The following WWP2 variants were observed in gnomAD, a reference collection of about 807,000 sequenced individuals.
WWP2 encodes NEDD4-like E3 ubiquitin-protein ligase WWP2.
A neutral mutation model predicts 121.0 loss-of-function variants in WWP2; 57 were observed. The observed-to-expected ratio is 0.47, with a 90% CI of 0.38 to 0.59. The LOEUF (loss-of-function observed/expected upper bound fraction) is 0.59. Among genes scored for constraint, WWP2 ranks in the 20% least tolerant of loss-of-function variants. The pLI, the probability that WWP2 is intolerant of heterozygous loss-of-function variation, is 0.00. For missense variants in WWP2, 962 were observed against 1,158.9 expected, an observed-to-expected ratio of 0.83 and a Z score of 2.47; for synonymous variants, 449 against 441.3, an observed-to-expected ratio of 1.02 and a Z score of -0.22.
intron 10 of WWP2, among the ~76,000 whole-genome samples, chr16:69,921,695 T>C (rs564468888): frequency 6.6e-6 from 1 of 152,344 alleles, no homozygotes; most frequent in African/African-American, 2.4e-5. Flanking sequence ...TGAAGATGCC[T>C]GGCACAGCCT....
chr16:69,780,685 C>A (rs1417890918), intron 1 of WWP2, among the ~76,000 whole-genome samples: 5 of 152,136 alleles, frequency 3.3e-5, no homozygotes, highest in Admixed American at 1.3e-4. Flanking sequence ...TTTGCCAAGA[C>A]AAATTTAGTC....
intron 2 of WWP2, among the ~76,000 whole-genome samples, chr16:69,797,240 A>G (rs1311679924): frequency 1.3e-5 from 2 of 152,350 alleles, no homozygotes; most frequent in South Asian, 2.1e-4. Context: ...CATGAAGGCT[A>G]TGAGCGGAAG....
In WWP2 at chr16:69,796,012, TTTTC is replaced by T. The variant is rs1159895592; in HGVS notation, c.71-2662_71-2659del. On this transcript the variant is annotated intron_variant, in intron 2 of 23. Coordinates refer to ENST00000359154, the MANE Select transcript of WWP2 (RefSeq NM_001270454.2). ...GGGGCCTGGACCAGAACAAATTTTTTTTTCTTTCTTTTTTTTTTTGCGATGATGG... is the reference window on the plus strand; with the variant it reads ...GGGGCCTGGACCAGAACAAATTTTTTTTTCTTTTTTTTTTTGCGATGATGG... 4.0e-5 allele frequency among the ~76,000 whole-genome samples: 6 copies of T among 151,696 alleles called. No individual in the cohort carries two copies. The East Asian group carries it at 7.7e-4, about 19-fold the overall frequency.
At chr16:69,858,485 TA>T in intron 6 of WWP2, among the ~76,000 whole-genome samples, 1 of 152,294 alleles carries the variant, frequency 6.6e-6, no homozygotes, top group East Asian at 1.9e-4. Flanking sequence ...TGAGATGCGA[TA>T]ATTTGAGGAC....
intron 7 of WWP2, among the ~76,000 whole-genome samples, chr16:69,875,004 A>G (rs1370135398): frequency 7.0e-6 from 1 of 142,556 alleles, no homozygotes; most frequent in Non-Finnish European, 1.5e-5. Context: ...CCTGGGCAAC[A>G]GAGTGAGACC....
intron 8 of WWP2, among the ~76,000 whole-genome samples, chr16:69,900,103 C>G (rs1480079676): frequency 6.6e-6 from 1 of 152,136 alleles, no homozygotes; most frequent in Non-Finnish European, 1.5e-5. Flanking sequence ...AACAGATGCA[C>G]TTATAGCTAA....
At position 69,903,074 on chromosome 16, in the gene WWP2, A is replaced by G. The variant is rs558505961; in HGVS notation, c.915-5687A>G. On this transcript the variant is annotated intron_variant, in intron 8 of 23. Transcript: ENST00000359154. ...GAAAGGTCTTGTTCCTCTGGCAACT[A>G]TTCTTCTCGCTAAGCCAGTTGAGGG... Among the ~76,000 whole-genome samples the G allele has an allele frequency of 2.0e-4, 30 of 152,354 alleles. No homozygotes were observed. In the South Asian group the frequency reaches 4.3e-3, roughly 22 times the overall value.
At chr16:69,914,142 C>T (rs2151968999) in intron 9 of WWP2, among the ~76,000 whole-genome samples, 1 of 144,366 alleles carries the variant, frequency 6.9e-6, no homozygotes. Context: ...GAAGATGTGA[C>T]CAAGACATTC....
rs1463091915 is a variant in WWP2, at chr16:69,930,073, C to T, written c.1317-57C>T. ...CACACTTTGAGGACCCAGCCTCCAA[C>T]CACCAAGGTCCAGAAGGTGGGGCCA... On this transcript the variant is annotated intron_variant, in intron 12 of 23. Transcript: ENST00000359154. 11 of 1,608,654 alleles carry T rather than the reference C, an allele frequency of 6.8e-6. No individual in the cohort carries two copies. The East Asian group carries it at 2.0e-4, about 29-fold the overall frequency.
chr16:69,930,378 C>T, intron 13 of WWP2, 120 bp downstream of exon 13: 1 of 1,446,776 alleles, frequency 6.9e-7, no homozygotes, highest in Non-Finnish European at 9.3e-7. Flanking sequence ...CCTTACTGCC[C>T]TCTAGTGGCC....
chr16:69,834,404 G>A (rs900186693), intron 4 of WWP2, among the ~76,000 whole-genome samples: 1 of 151,902 alleles, frequency 6.6e-6, no homozygotes, highest in African/African-American at 2.4e-5. Context: ...TCCCAGGGAG[G>A]TTTTTCTTCT....
chr16:69,785,994 ACTTTT>A (rs2055780383), intron 1 of WWP2: 1 of 132,754 alleles, frequency 7.5e-6, no homozygotes, highest in Non-Finnish European at 1.6e-5. Flanking sequence ...CTTGCATTAT[ACTTTT>A]AGCAAGGATT....
At chr16:69,919,677 A>G (rs1447037307) in intron 10 of WWP2, among the ~76,000 whole-genome samples, 1 of 151,762 alleles carries the variant, frequency 6.6e-6, no homozygotes, top group Non-Finnish European at 1.5e-5. Flanking sequence ...AAGTTGGCTG[A>G]TTATATTTTC....
chr16:69,887,680 A>G (rs1432219588), intron 7 of WWP2, among the ~76,000 whole-genome samples: 4 of 152,172 alleles, frequency 2.6e-5, no homozygotes, highest in African/African-American at 9.7e-5. Flanking sequence ...TGCTGGGATT[A>G]CAGTTGTGAG....
intron 4 of WWP2, among the ~76,000 whole-genome samples, chr16:69,808,393 CTTTTAT>C (rs2056323739): frequency 6.6e-6 from 1 of 151,388 alleles, no homozygotes; most frequent in Non-Finnish European, 1.5e-5. Context: ...CCTGGCCTGT[CTTTTAT>C]TTTTATTTTT....
chr16:69,862,531 A>G (rs996214946), intron 6 of WWP2, among the ~76,000 whole-genome samples: 3 of 151,798 alleles, frequency 2.0e-5, no homozygotes, highest in Non-Finnish European at 4.4e-5. Flanking sequence ...GATTACAGGC[A>G]TGAGCCACCA....
chr16:69,839,934 T>A (rs1463466267), intron 4 of WWP2, among the ~76,000 whole-genome samples, 192 bp from the exon 5 acceptor site: 1 of 152,244 alleles, frequency 6.6e-6, no homozygotes, highest in African/African-American at 2.4e-5. Context: ...CCCTCCAGCC[T>A]GATACAACAG....
rs2152003747 is a variant in WWP2, at chr16:69,940,050, G to A, written c.*110G>A. 1.2e-6 allele frequency: 1 copy of A among 838,158 alleles called. No homozygotes were observed. The highest frequency in any genetic ancestry group is 1.9e-6 in the Non-Finnish European group (1 of 539,442). 51.9% of individuals were successfully genotyped at this position (838,158 alleles called of 1,614,324 possible). A position where few individuals can be genotyped will look rare whatever the true frequency, so the allele number is the denominator to read the frequency against. Reference sequence around the variant, plus strand: ...GGGAGGCCCCCGTGGATGTGGCCCTGTGTGGGACCACACTGTCATCTCGCT... The same window carrying A: ...GGGAGGCCCCCGTGGATGTGGCCCTATGTGGGACCACACTGTCATCTCGCT... On this transcript the variant is annotated 3_prime_UTR_variant, in exon 24 of 24. Coordinates refer to ENST00000359154, the MANE Select transcript of WWP2 (RefSeq NM_001270454.2).
chr16:69,898,261 C>T (rs2058141103), intron 8 of WWP2, among the ~76,000 whole-genome samples: 1 of 152,132 alleles, frequency 6.6e-6, no homozygotes, highest in Non-Finnish European at 1.5e-5. Flanking sequence ...TTCCCAACCT[C>T]AGGTGATCTG....
Sources: allele counts gnomAD v4.1 joint callset (sites outside exome capture counted in the v4.1 genomes callset), GRCh38; gene constraint gnomAD v4.1.1; transcripts MANE v1.5; gene names NCBI Gene and HGNC (gene_info 2026-07-23, HGNC 2026-07-21).